The following BBC3 variants were observed in gnomAD, a reference collection of about 807,000 sequenced individuals.
The protein encoded by BBC3 is bcl-2-binding component 3.
Under a neutral mutation model 18.2 loss-of-function variants are expected in BBC3, and 5 were observed. The ratio of observed to expected loss-of-function variants is 0.27; its 90% CI spans 0.14 to 0.58. The LOEUF (loss-of-function observed/expected upper bound fraction) is 0.58. Ranked by LOEUF, BBC3 falls within the 20% of genes least tolerant of loss-of-function variation. BBC3 has a pLI of 0.91. For synonymous variants in BBC3, 119 were observed against 128.0 expected (o/e 0.93, Z 0.47); for missense variants, 224 against 268.9 (o/e 0.83, Z 1.17).
chr19:47,231,354 C>A (rs964583927), upstream of BBC3: 1 of 311,690 alleles, frequency 3.2e-6, no homozygotes, highest in Non-Finnish European at 4.7e-6. This position sits in a 1 kb window ranked among gnomAD's most constrained non-coding sequence, Gnocchi z 4.0. Context: ...GCGCCGCGCC[C>A]CCCCCTACCT....
At chr19:47,232,601 A>C, upstream of BBC3, 1 of 1,531,446 alleles carries the variant, frequency 6.5e-7, no homozygotes, top group East Asian at 2.5e-5. Context: ...GCCAAATTTC[A>C]TCCTGTCTCA....
intron 3 of BBC3, among the ~76,000 whole-genome samples, chr19:47,222,795 A>T (rs1017040537): frequency 6.6e-6 from 1 of 150,774 alleles, no homozygotes; most frequent in African/African-American, 2.4e-5. Context: ...GAGAAACCCC[A>T]TCTCTACTAA....
intron 2 of BBC3, 44 bp from the exon 3 acceptor site, chr19:47,226,798 A>G: frequency 7.4e-7 from 1 of 1,356,330 alleles, no homozygotes; most frequent in Non-Finnish European, 9.5e-7. Context: ...CCACCCCTCC[A>G]GGCCTCGAGG....
At position 47,221,436 on chromosome 19, in the gene BBC3, C is replaced by CCA. The variant is rs1555798917; in HGVS notation, c.*365_*366insTG. ...AGCACCGAGAGGAGAGCCCCCCCCT[C>CCA]CCAGTGTCACCCCTGCAGCTGGAAC... On this transcript the variant is annotated 3_prime_UTR_variant, in exon 4 of 4. Coordinates refer to ENST00000439096, the MANE Select transcript of BBC3 (RefSeq NM_014417.5). 1.2e-4 allele frequency: 30 copies of CCA among 250,322 alleles called. 5 individuals are homozygous for CCA. The South Asian group carries it at 1.3e-3, about 11-fold the overall frequency. The allele number at this position is 250,322 out of a possible 1,614,324, so 15.5% of individuals were successfully genotyped here. A position where few individuals can be genotyped will look rare whatever the true frequency, so the allele number is the denominator to read the frequency against.
chr19:47,232,178 C>T (rs540046448), upstream of BBC3, among the ~76,000 whole-genome samples: 1 of 152,144 alleles, frequency 6.6e-6, no homozygotes, highest in Non-Finnish European at 1.5e-5. Flanking sequence ...ATGATGAAAC[C>T]CCATCTCTAC....
rs1168990396 is a variant in BBC3 at position 47,221,438 on chromosome 19, C to CCCT, written c.*363_*364insAGG. The CCCT allele has an allele frequency of 3.8e-6, 1 of 263,258 alleles. No homozygotes were observed. The highest frequency in any genetic ancestry group is 6.8e-6 in the Non-Finnish European group (1 of 146,372). 16.3% of individuals were successfully genotyped at this position (263,258 alleles called of 1,614,324 possible). On this transcript the variant is annotated 3_prime_UTR_variant, in exon 4 of 4. Transcript: ENST00000439096. ...CACCGAGAGGAGAGCCCCCCCCTCC[C>CCCT]AGTGTCACCCCTGCAGCTGGAACGG...
At chr19:47,224,282 C>G (rs145140347) in intron 3 of BBC3, among the ~76,000 whole-genome samples, 2 of 151,658 alleles carry the variant, frequency 1.3e-5, no homozygotes, top group South Asian at 4.2e-4. Context: ...GCAACAAGAG[C>G]GAAACTCTGT....
Position 47,221,820 on chromosome 19 carries a change from G to A in BBC3, c.564C>T (p.Pro188=), listed in dbSNP as rs748900635. The part of the protein sequence containing the change: ...LLPLPRGHRA[P]EMEPN ...CAGGCACCTAATTGGGCTCCATCTCGGGGGCTCTGTGGCCCCTGGGTAAGG... is the reference window on the plus strand; with the variant it reads ...CAGGCACCTAATTGGGCTCCATCTCAGGGGCTCTGTGGCCCCTGGGTAAGG... Residue 188 remains proline (P), a synonymous_variant, in exon 4 of 4, where the codon CCC becomes CCT. Coordinates refer to ENST00000439096, the MANE Select transcript of BBC3 (RefSeq NM_014417.5). 169 of 1,613,344 alleles carry A rather than the reference G, an allele frequency of 1.0e-4. No homozygotes were observed. The highest frequency in any genetic ancestry group is 2.1e-4 in the South Asian group (19 of 91,040).
intron 1 of BBC3, among the ~76,000 whole-genome samples, chr19:47,229,940 G>C (rs1203715482): frequency 6.6e-6 from 1 of 151,986 alleles, no homozygotes; most frequent in Admixed American, 6.6e-5. Context: ...GAGATACAGA[G>C]ACGGCCTCAG....
chr19:47,227,795 T>G (rs931284609), intron 2 of BBC3, among the ~76,000 whole-genome samples: 2 of 152,130 alleles, frequency 1.3e-5, no homozygotes, highest in Admixed American at 6.5e-5. Context: ...AGGCCAGAGT[T>G]GACAGTCCTC....
At chr19:47,231,490 C>G (rs1283095909), upstream of BBC3, among the ~76,000 whole-genome samples, 1 of 151,426 alleles carries the variant, frequency 6.6e-6, no homozygotes, top group East Asian at 1.9e-4. This position sits in a 1 kb window ranked among gnomAD's most constrained non-coding sequence, Gnocchi z 4.0. Flanking sequence ...GACACACACA[C>G]TGACTGGGAC....
At chr19:47,222,452 CCT>C (rs1358763281) in intron 3 of BBC3, 1 of 152,298 alleles carries the variant, frequency 6.6e-6, no homozygotes, top group African/African-American at 2.4e-5. Flanking sequence ...TCTCTAGGAC[CCT>C]CTCAGCTCCA....
rs560169523 is a variant in BBC3, at chr19:47,230,619, C to T, written c.-16+310G>A. ...TCCCGGACTTTGGGGGCTGGGGCAC[C>T]CCTGGGGTCGACCCTCTTCCCCGGG... is the stretch of plus-strand genomic sequence containing the variant. On this transcript the variant is annotated intron_variant, in intron 1 of 3. Transcript: ENST00000439096. This position sits in a 1 kb window ranked among gnomAD's most constrained non-coding sequence, Gnocchi z 6.7. 19,821 of 674,186 alleles carry T rather than the reference C, an allele frequency of 0.029. 371 individuals carry two copies. Among genetic ancestry groups the T allele is most frequent in the Non-Finnish European group, 0.034 (18,454 of 546,042 alleles). The allele number at this position is 674,186 out of a possible 1,614,324, so 41.8% of individuals were successfully genotyped here. A position where few individuals can be genotyped will look rare whatever the true frequency, so the allele number is the denominator to read the frequency against.
intron 3 of BBC3, among the ~76,000 whole-genome samples, chr19:47,225,300 C>T (rs547791572): frequency 2.0e-5 from 3 of 152,092 alleles, no homozygotes; most frequent in African/African-American, 7.2e-5. Context: ...CACTTGCCTC[C>T]GCCTCCCAAA....
Position 47,230,642 on chromosome 19 carries a change from G to A in BBC3, c.-16+287C>T, listed in dbSNP as rs2058900930. On this transcript the variant is annotated intron_variant, in intron 1 of 3. Coordinates refer to ENST00000439096, the MANE Select transcript of BBC3 (RefSeq NM_014417.5). This position sits in a 1 kb window ranked among gnomAD's most constrained non-coding sequence, Gnocchi z 6.7. ...ACCCCTGGGGTCGACCCTCTTCCCC[G>A]GGGCCGCACTGGCCGCCAGGGGGCG... 8.3e-6 allele frequency: 7 copies of A among 839,716 alleles called. No individual in the cohort carries two copies. Among genetic ancestry groups the A allele is most frequent in the Non-Finnish European group, 1.0e-5 (7 of 697,136 alleles). 52.0% of individuals were successfully genotyped at this position (839,716 alleles called of 1,614,324 possible).
Position 47,230,901 on chromosome 19 carries a change from GGA to G in BBC3, c.-16+26_-16+27del. 1 of 982,714 alleles carries G rather than the reference GGA, an allele frequency of 1.0e-6. No homozygotes were observed. Among genetic ancestry groups the G allele is most frequent in the Admixed American group, 6.1e-5 (1 of 16,282 alleles). The allele number at this position is 982,714 out of a possible 1,614,324, so 60.9% of individuals were successfully genotyped here. On this transcript the variant is annotated intron_variant, in intron 1 of 3. Transcript: ENST00000439096. This position sits in a 1 kb window ranked among gnomAD's most constrained non-coding sequence, Gnocchi z 6.7. Reference sequence around the variant, plus strand: ...CCACCCGGCCTGGCCGATCGCCGCCGGAGAGGATTCGGGGCGCGCACACTCAC... The same window carrying G: ...CCACCCGGCCTGGCCGATCGCCGCCGGAGGATTCGGGGCGCGCACACTCAC...
Position 47,221,426 on chromosome 19 carries a change from GC to G in BBC3, c.*375del. The stretch of plus-strand genomic sequence containing the variant: ...AGAGTGAAGGAGCACCGAGAGGAGA[GC>G]CCCCCCCTCCCAGTGTCACCCCTGC... On this transcript the variant is annotated 3_prime_UTR_variant, in exon 4 of 4. Coordinates refer to ENST00000439096, the MANE Select transcript of BBC3 (RefSeq NM_014417.5). 1.8e-5 allele frequency: 3 copies of G among 167,310 alleles called. No homozygotes were observed. The highest frequency in any genetic ancestry group is 3.0e-5 in the Non-Finnish European group (3 of 101,616). 10.4% of individuals were successfully genotyped at this position (167,310 alleles called of 1,614,324 possible).
Position 47,221,929 on chromosome 19 carries a change from G to C in BBC3, c.466-11C>G, listed in dbSNP as rs755399433. On this transcript the variant is annotated splice_polypyrimidine_tract_variant and intron_variant, in intron 3 of 3. Coordinates refer to ENST00000439096, the MANE Select transcript of BBC3 (RefSeq NM_014417.5). ...CTGCTCCTCTTGTCTCTGGGGAAAAGAGAGAGAAGGGGCAGTTAGCAGGGG... is the reference window on the plus strand; with the variant it reads ...CTGCTCCTCTTGTCTCTGGGGAAAACAGAGAGAAGGGGCAGTTAGCAGGGG... 5.0e-6 allele frequency: 8 copies of C among 1,593,284 alleles called. No individual in the cohort carries two copies. Among genetic ancestry groups the C allele is most frequent in the Non-Finnish European group, 6.8e-6 (8 of 1,169,832 alleles).
At position 47,221,839 on chromosome 19, in the gene BBC3, G is replaced by C; in HGVS notation, c.545C>G (p.Pro182Arg). ...CATCTCGGGGGCTCTGTGGCCCCTGGGTAAGGGCAGGAGTCCCATGATGAG... is the reference window on the plus strand; with the variant it reads ...CATCTCGGGGGCTCTGTGGCCCCTGCGTAAGGGCAGGAGTCCCATGATGAG... Reference protein sequence around the residue: ...YNLIMGLLPLPRGHRAPEMEP... With the variant: ...YNLIMGLLPLRRGHRAPEMEP... The change falls in exon 4 of 4, where the codon CCC (proline) becomes CGC (arginine). Residue 182 changes from proline to arginine, a missense_variant. Transcript: ENST00000439096. 1 of 1,613,824 alleles carries C rather than the reference G, an allele frequency of 6.2e-7. No homozygotes were observed. The highest frequency in any genetic ancestry group is 8.5e-7 in the Non-Finnish European group (1 of 1,179,870).
Sources: gnomAD v4.1 joint callset for allele counts (sites outside exome capture counted in the v4.1 genomes callset) on GRCh38, gnomAD v4.1.1 for gene constraint, Gnocchi (gnomAD v3.1) non-coding constraint, MANE v1.5 for transcripts, NCBI Gene and HGNC (gene_info 2026-07-23, HGNC 2026-07-21) for gene names.